KAT6A: variants seen among roughly 807,000 people sequenced by gnomAD.
KAT6A encodes lysine acetyltransferase 6A.
A neutral mutation model predicts 198.4 loss-of-function variants in KAT6A; 9 were observed. The ratio of observed to expected loss-of-function variants is 0.05; its 90% CI spans 0.03 to 0.08. The LOEUF (loss-of-function observed/expected upper bound fraction) is 0.08. Ranked by LOEUF, KAT6A falls within the 10% of genes least tolerant of loss-of-function variation. The pLI, the probability that KAT6A is intolerant of heterozygous loss-of-function variation, is 1.00. For missense variants in KAT6A, 2,077 were observed against 2,509.9 expected, an observed-to-expected ratio of 0.83 and a Z score of 3.69; for synonymous variants, 890 against 883.0, an observed-to-expected ratio of 1.01 and a Z score of -0.14.
Position 41,931,443 on chromosome 8 carries a change from G to A in KAT6A, c.*762C>T. ...AGACTTACAGTATTTTTGTGTCTCT[G>A]AGTGCTGAGTGGGAATATTTTAAAA... On this transcript the variant is annotated 3_prime_UTR_variant, in exon 17 of 17. Transcript: ENST00000265713. The A allele has an allele frequency of 4.8e-6, 1 of 207,676 alleles. No homozygotes were observed. The highest frequency in any genetic ancestry group is 9.8e-6 in the Non-Finnish European group (1 of 101,666). 12.9% of individuals were successfully genotyped at this position (207,676 alleles called of 1,614,324 possible).
chr8:41,983,406 C>T (rs953241038), intron 3 of KAT6A, among the ~76,000 whole-genome samples: 4 of 152,186 alleles, frequency 2.6e-5, no homozygotes, highest in African/African-American at 9.6e-5. Flanking sequence ...GTTAGACTTT[C>T]CTGTTTAAAC....
intron 12 of KAT6A, among the ~76,000 whole-genome samples, chr8:41,946,245 G>A (rs1395929296): frequency 6.6e-6 from 1 of 151,942 alleles, no homozygotes; most frequent in African/African-American, 2.4e-5. Flanking sequence ...GGAACCCTAG[G>A]TACATGCCAT....
chr8:41,976,899 T>C (rs752914267), intron 7 of KAT6A, 109 bp downstream of exon 7: 2 of 927,640 alleles, frequency 2.2e-6, no homozygotes, highest in Non-Finnish European at 3.2e-6. Flanking sequence ...TTATATTCTA[T>C]AACCAATTGT....
chr8:41,980,087 T>A (rs142017067), intron 5 of KAT6A, among the ~76,000 whole-genome samples: 1,816 of 152,262 alleles, frequency 0.012, 33 homozygotes, highest in African/African-American at 0.042. Context: ...TCCAAACAAA[T>A]ATTATGAAAT....
At chr8:42,018,332 T>C (rs1826366673) in intron 2 of KAT6A, among the ~76,000 whole-genome samples, 1 of 152,014 alleles carries the variant, frequency 6.6e-6, no homozygotes, top group African/African-American at 2.4e-5. Context: ...GGTCAGGAGT[T>C]CAAACCCAGT....
chr8:41,934,150 T>C lies in KAT6A; in HGVS notation c.4070A>G (p.Gln1357Arg). Reference sequence around the variant, plus strand: ...ATCCTTTATCTTTTCCCTACTCTTCTGCATATTAGCATCTAAAAAAGACTC... The same window carrying C: ...ATCCTTTATCTTTTCCCTACTCTTCCGCATATTAGCATCTAAAAAAGACTC... ...VQESFLDANM[Q>R]KSREKIKDKE... The change falls in exon 17 of 17, where the codon CAG (glutamine) becomes CGG (arginine). Residue 1357 changes from glutamine to arginine, a missense_variant. Transcript: ENST00000265713. The C allele has an allele frequency of 6.2e-7, 1 of 1,614,196 alleles. No homozygotes were observed. Among genetic ancestry groups the C allele is most frequent in the Non-Finnish European group, 8.5e-7 (1 of 1,180,038 alleles).
chr8:41,937,153 G>A, intron 16 of KAT6A, 103 bp downstream of exon 16: 1 of 826,240 alleles, frequency 1.2e-6, no homozygotes. Context: ...CTTGCTTAGT[G>A]GGTTGTGTTC....
chr8:41,930,710 G>GTGTGTGTGTATA lies in KAT6A; in HGVS notation c.*1494_*1495insTATACACACACA, dbSNP rs1403783168. On this transcript the variant is annotated 3_prime_UTR_variant, in exon 17 of 17. Coordinates refer to ENST00000265713, the MANE Select transcript of KAT6A (RefSeq NM_006766.5). ...TGTGTGTGTGTGTGTGTGTGTGTGTGTATATATATATATATATATTTTTTT... is the reference window on the plus strand; with the variant it reads ...TGTGTGTGTGTGTGTGTGTGTGTGTGTGTGTGTGTATATATATATATATATATATATTTTTTT... 11 of 63,060 alleles carry GTGTGTGTGTATA rather than the reference G, an allele frequency of 1.7e-4. No individual in the cohort carries two copies. Among genetic ancestry groups the GTGTGTGTGTATA allele is most frequent in the African/African-American group, 9.9e-4 (11 of 11,084 alleles). 3.9% of individuals were successfully genotyped at this position (63,060 alleles called of 1,614,324 possible). A position where few individuals can be genotyped will look rare whatever the true frequency, so the allele number is the denominator to read the frequency against.
Position 41,943,920 on chromosome 8 carries a change from G to A in KAT6A, c.2056C>T (p.Leu686=), listed in dbSNP as rs1456677072. The A allele has an allele frequency of 1.2e-6, 2 of 1,613,852 alleles. No individual in the cohort carries two copies. Among genetic ancestry groups the A allele is most frequent in the East Asian group, 2.2e-5 (1 of 44,862 alleles). ...AGSPEKPLSD[L]GRLSYMAYWK... Reference sequence around the variant, plus strand: ...TATGCCATGTAGGAAAGACGACCCAGATCAGATAACGGTTTCTCTGGAGAC... The same window carrying A: ...TATGCCATGTAGGAAAGACGACCCAAATCAGATAACGGTTTCTCTGGAGAC... Residue 686 remains leucine (L), a synonymous_variant, in exon 13 of 17, where the codon CTG becomes TTG. Coordinates refer to ENST00000265713, the MANE Select transcript of KAT6A (RefSeq NM_006766.5).
intron 11 of KAT6A, 66 bp from the exon 12 acceptor site, chr8:41,946,750 A>T: frequency 1.0e-6 from 1 of 971,328 alleles, no homozygotes; most frequent in Non-Finnish European, 1.7e-6. Flanking sequence ...ACGTGAATTA[A>T]GAAACAAAGA....
rs118165841 is a variant in KAT6A at position 41,992,797 on chromosome 8, T to A, written c.601-5234A>T. Among the ~76,000 whole-genome samples the A allele has an allele frequency of 1.8e-3, 267 of 152,286 alleles. 7 individuals carry two copies. In the East Asian group the frequency reaches 0.049, roughly 28 times the overall value. On this transcript the variant is annotated intron_variant, in intron 2 of 16. Transcript: ENST00000265713. ...TCAAACTAAATTACCAAAATTAACATATTTAAGTATAGCAAAGTACTTGGC... is the reference window on the plus strand; with the variant it reads ...TCAAACTAAATTACCAAAATTAACAAATTTAAGTATAGCAAAGTACTTGGC...
At chr8:41,947,347 A>G (rs1280745523) in intron 11 of KAT6A, among the ~76,000 whole-genome samples, 1 of 152,278 alleles carries the variant, frequency 6.6e-6, no homozygotes, top group Non-Finnish European at 1.5e-5. Context: ...GGAATGGAAG[A>G]TTAAAAAAGG....
chr8:41,941,003 A>T lies in KAT6A; in HGVS notation c.2878T>A (p.Cys960Ser), dbSNP rs760574764. 24 of 1,613,966 alleles carry T rather than the reference A, an allele frequency of 1.5e-5. No homozygotes were observed. The highest frequency in any genetic ancestry group is 7.7e-5 in the South Asian group (7 of 91,086). The change falls in exon 15 of 17, where the codon TGC (cysteine) becomes AGC (serine). Residue 960 changes from cysteine to serine, a missense_variant. This residue lies in a region of KAT6A where 301 missense variants were observed against 272.2 expected (regional missense o/e 1.11). Transcript: ENST00000265713. ...QLKKSPEALK[C>S]RLTEGSERLP... ...CTCTCACTTCCTTCTGTTAATCTGC[A>T]CTTCAGAGCCTCAGGGCTTTTCTTG...
chr8:41,957,261 A>G (rs772241109), intron 8 of KAT6A: 3 of 566,352 alleles, frequency 5.3e-6, no homozygotes, highest in Non-Finnish European at 1.1e-5. Flanking sequence ...GTTCCTGCAC[A>G]TGCGCTCATG....
At position 42,015,594 on chromosome 8, in the gene KAT6A, A is replaced by ATAAATTTCAATGTATAGT. The variant is rs1424393071; in HGVS notation, c.601-28032_601-28031insACTATACATTGAAATTTA. ...CAGTCGTATAAATTTCAATGTATAG[A>ATAAATTTCAATGTATAGT]TAAATTTCAACTCCTGGCATATGTA... is the stretch of plus-strand genomic sequence containing the variant. On this transcript the variant is annotated intron_variant, in intron 2 of 16. Coordinates refer to ENST00000265713, the MANE Select transcript of KAT6A (RefSeq NM_006766.5). 2.6e-5 allele frequency among the ~76,000 whole-genome samples: 4 copies of ATAAATTTCAATGTATAGT among 152,358 alleles called. No homozygotes were observed. The East Asian group carries it at 7.7e-4, about 29-fold the overall frequency.
At chr8:41,985,563 T>C (rs910779884) in intron 3 of KAT6A, among the ~76,000 whole-genome samples, 2 of 152,184 alleles carry the variant, frequency 1.3e-5, no homozygotes, top group Non-Finnish European at 2.9e-5. Context: ...TCTAGAGCTA[T>C]TGTAATGATG....
intron 2 of KAT6A, among the ~76,000 whole-genome samples, chr8:42,039,638 A>G (rs1827544532): frequency 6.6e-6 from 1 of 152,236 alleles, no homozygotes. Context: ...AACAGGCAGC[A>G]AGGGTAAAAA....
intron 16 of KAT6A, among the ~76,000 whole-genome samples, chr8:41,935,435 T>C (rs953846767): frequency 6.6e-6 from 1 of 152,212 alleles, no homozygotes; most frequent in Non-Finnish European, 1.5e-5. Context: ...TGTGTTTGTA[T>C]GGGAATAGCT....
At chr8:41,937,621 T>A in intron 15 of KAT6A, 53 bp from the exon 16 acceptor site, 3 of 1,388,850 alleles carry the variant, frequency 2.2e-6, no homozygotes, top group Non-Finnish European at 2.9e-6. Context: ...TCTTTTCTAT[T>A]AATAATACGA....
Sources: gnomAD v4.1 joint callset for allele counts (sites outside exome capture counted in the v4.1 genomes callset) on GRCh38, gnomAD v4.1.1 for gene constraint, gnomAD v4.1.1 regional missense constraint, MANE v1.5 for transcripts, NCBI Gene and HGNC (gene_info 2026-07-23, HGNC 2026-07-21) for gene names.